Variants in PDSS2 observed in about 807,000 individuals in gnomAD.
PDSS2 encodes the protein all trans-polyprenyl-diphosphate synthase PDSS2.
PDSS2 carries 31 observed loss-of-function variants against 44.5 expected under a neutral mutation model. That is an observed-to-expected ratio of 0.70 (90% confidence interval 0.52 to 0.94). PDSS2 has a LOEUF of 0.94. PDSS2 is among the 40% of genes least tolerant of loss of function. The probability of loss-of-function intolerance (pLI) is 0.00; values close to 1 mark genes in which losing one functional copy is unlikely to be tolerated. For synonymous variants in PDSS2, 157 were observed against 180.3 expected (o/e 0.87, Z 1.03); for missense variants, 452 against 482.2 (o/e 0.94, Z 0.59).
At chr6:107,242,447 G>A (rs1249508112) in intron 4 of PDSS2, among the ~76,000 whole-genome samples, 1 of 152,020 alleles carries the variant, frequency 6.6e-6, no homozygotes, top group African/African-American at 2.4e-5. Flanking sequence ...TATATTTTTA[G>A]TAGAGATGAG....
chr6:107,229,248 G>A (rs1003295217), intron 4 of PDSS2, among the ~76,000 whole-genome samples: 3 of 152,130 alleles, frequency 2.0e-5, no homozygotes, highest in Non-Finnish European at 4.4e-5. Context: ...GTGCAATGGC[G>A]TGATCTCGGC....
At chr6:107,454,421 A>C (rs559564829) in intron 1 of PDSS2, among the ~76,000 whole-genome samples, 1 of 152,216 alleles carries the variant, frequency 6.6e-6, no homozygotes, top group Non-Finnish European at 1.5e-5. Flanking sequence ...AGTTTACAAC[A>C]GAGAGATCCT....
At chr6:107,392,171 C>A (rs1417405664) in intron 1 of PDSS2, among the ~76,000 whole-genome samples, 1 of 152,126 alleles carries the variant, frequency 6.6e-6, no homozygotes, top group African/African-American at 2.4e-5. Flanking sequence ...GAACCTTTCT[C>A]TAATTAAAAG....
chr6:107,378,761 G>A (rs531762149), intron 1 of PDSS2, among the ~76,000 whole-genome samples: 1 of 152,162 alleles, frequency 6.6e-6, no homozygotes, highest in Non-Finnish European at 1.5e-5. Flanking sequence ...ACTCCAGCCT[G>A]GGCGACAGAG....
intron 1 of PDSS2, among the ~76,000 whole-genome samples, chr6:107,378,313 A>G (rs1779353275): frequency 6.6e-6 from 1 of 151,632 alleles, no homozygotes; most frequent in Non-Finnish European, 1.5e-5. Flanking sequence ...AAATGAAAAA[A>G]TGAAGCTTTA....
intron 1 of PDSS2, among the ~76,000 whole-genome samples, chr6:107,406,720 C>G (rs1289398161): frequency 1.3e-5 from 2 of 152,232 alleles, no homozygotes; most frequent in East Asian, 3.8e-4. Flanking sequence ...CTTCAGCTAT[C>G]TAGCTGGCTA....
intron 1 of PDSS2, among the ~76,000 whole-genome samples, chr6:107,434,352 C>A (rs1250301802): frequency 1.3e-5 from 2 of 152,190 alleles, no homozygotes; most frequent in African/African-American, 4.8e-5. Context: ...TGGAAGCAAC[C>A]TAAGTGTCCA....
chr6:107,310,394 G>T (rs1007028238), intron 2 of PDSS2, among the ~76,000 whole-genome samples: 2 of 150,532 alleles, frequency 1.3e-5, no homozygotes, highest in Non-Finnish European at 3.0e-5. Flanking sequence ...AAAGAGAAAA[G>T]ACTAAAAGTA....
At chr6:107,256,750 C>A (rs368270215) in intron 3 of PDSS2, among the ~76,000 whole-genome samples, 1 of 151,984 alleles carries the variant, frequency 6.6e-6, no homozygotes, top group Non-Finnish European at 1.5e-5. Flanking sequence ...ATTTGGGGGC[C>A]GGGCACAGTG....
intron 2 of PDSS2, among the ~76,000 whole-genome samples, chr6:107,313,516 C>T (rs983542362): frequency 1.3e-5 from 2 of 152,000 alleles, no homozygotes; most frequent in Admixed American, 6.6e-5. Flanking sequence ...CCACACCCAG[C>T]TAACTTTTGT....
chr6:107,450,804 T>C (rs1781840660), intron 1 of PDSS2, among the ~76,000 whole-genome samples: 1 of 152,194 alleles, frequency 6.6e-6, no homozygotes, highest in Non-Finnish European at 1.5e-5. Context: ...CTGGGCTACA[T>C]GGTAAGTGTA....
rs577627598 is a variant in PDSS2, at chr6:107,228,811, C to T, written c.703-16529G>A. 5.1e-4 allele frequency among the ~76,000 whole-genome samples: 77 copies of T among 152,244 alleles called. 1 individual carries two copies. The highest frequency in any genetic ancestry group is 2.3e-3 in the South Asian group (11 of 4,826). ...GTTCAGTATTTTTACTTGCATCAAA[C>T]GATTTATGACTGTGGTTACTTTATA... On this transcript the variant is annotated intron_variant, in intron 4 of 7. Coordinates refer to ENST00000369037, the MANE Select transcript of PDSS2 (RefSeq NM_020381.4).
intron 1 of PDSS2, among the ~76,000 whole-genome samples, chr6:107,449,286 T>TA (rs1260930005): frequency 6.6e-6 from 1 of 152,196 alleles, no homozygotes; most frequent in Non-Finnish European, 1.5e-5. Flanking sequence ...ATAGACTTTT[T>TA]AAAAAATTGG....
intron 1 of PDSS2, among the ~76,000 whole-genome samples, chr6:107,361,759 T>G (rs1306407181): frequency 6.6e-6 from 1 of 152,214 alleles, no homozygotes; most frequent in Non-Finnish European, 1.5e-5. Context: ...ACTATAAAGC[T>G]GAACAAAATA....
chr6:107,255,340 CT>C (rs1235023996), intron 3 of PDSS2, among the ~76,000 whole-genome samples: 7 of 151,018 alleles, frequency 4.6e-5, no homozygotes, highest in Non-Finnish European at 1.0e-4. Flanking sequence ...TTACAGGCGT[CT>C]GCTACCACGC....
At chr6:107,202,807 T>C (rs369567735) in intron 6 of PDSS2, among the ~76,000 whole-genome samples, 1 of 151,948 alleles carries the variant, frequency 6.6e-6, no homozygotes, top group African/African-American at 2.4e-5. Context: ...TTTGGTTCAC[T>C]GGAGAAAAAG....
intron 4 of PDSS2, among the ~76,000 whole-genome samples, chr6:107,215,617 C>T (rs1308121883): frequency 6.6e-6 from 1 of 152,012 alleles, no homozygotes; most frequent in Non-Finnish European, 1.5e-5. Context: ...TTAACTCTTA[C>T]TGTTTGAAGG....
At chr6:107,350,711 G>A (rs1778405428) in intron 1 of PDSS2, among the ~76,000 whole-genome samples, 1 of 152,174 alleles carries the variant, frequency 6.6e-6, no homozygotes, top group African/African-American at 2.4e-5. Flanking sequence ...TAGGGAGGCT[G>A]AGATGCGAGG....
At chr6:107,227,267 G>A (rs146129467) in intron 4 of PDSS2, among the ~76,000 whole-genome samples, 19,406 of 127,116 alleles carry the variant, frequency 0.15, 1,907 homozygotes, top group African/African-American at 0.27. Flanking sequence ...ATAGGTGTAA[G>A]CCACTGTGCC....
Sources: gnomAD v4.1 joint callset for allele counts (sites outside exome capture counted in the v4.1 genomes callset) on GRCh38, gnomAD v4.1.1 for gene constraint, MANE v1.5 for transcripts, NCBI Gene and HGNC (gene_info 2026-07-23, HGNC 2026-07-21) for gene names.